The following RIT2 variants were observed in gnomAD, a reference collection of about 807,000 sequenced individuals.
RIT2 encodes the protein GTP-binding protein Rit2.
A neutral mutation model predicts 23.7 loss-of-function variants in RIT2; 24 were observed. That is an observed-to-expected ratio of 1.01 (90% CI 0.73 to 1.43). RIT2 has a LOEUF of 1.43. Ranked by LOEUF, RIT2 falls within the 40% of genes most tolerant of loss-of-function variation. The pLI is 0.00. For synonymous variants in RIT2, 107 were observed against 91.1 expected (o/e 1.17, Z -0.99); for missense variants, 236 against 266.9 (o/e 0.88, Z 0.81).
chr18:42,882,030 C>T (rs960027407), intron 4 of RIT2, among the ~76,000 whole-genome samples: 1 of 152,132 alleles, frequency 6.6e-6, no homozygotes, highest in East Asian at 1.9e-4. Context: ...GCATTTCATG[C>T]TTTTTTCAAA....
rs1207437183 is a variant in RIT2 at position 43,115,610 on chromosome 18, A to G, written c.-91T>C. The stretch of plus-strand genomic sequence containing the variant: ...ATTAAGCAACTCTAAAACTGTGTCA[A>G]AGCAAAGGTTTTAGTACGAGGTAAG... On this transcript the variant is annotated 5_prime_UTR_variant, in exon 1 of 5. Transcript: ENST00000326695. 2.0e-6 allele frequency: 3 copies of G among 1,499,858 alleles called. No individual in the cohort carries two copies. The Admixed American group carries it at 7.3e-5, about 37-fold the overall frequency. The allele number at this position is 1,499,858 out of a possible 1,614,324, so 92.9% of individuals were successfully genotyped here. A position where few individuals can be genotyped will look rare whatever the true frequency, so the allele number is the denominator to read the frequency against.
chr18:43,059,451 T>C (rs1382269154), intron 1 of RIT2, among the ~76,000 whole-genome samples: 1 of 152,152 alleles, frequency 6.6e-6, no homozygotes, highest in East Asian at 1.9e-4. Flanking sequence ...CAGGAGTTAA[T>C]AGCAGTTATC....
chr18:42,819,871 C>G lies in RIT2; in HGVS notation c.427-76151G>C, dbSNP rs183987548. Among the ~76,000 whole-genome samples, 33 of 152,222 alleles carry G rather than the reference C, an allele frequency of 2.2e-4. No individual in the cohort carries two copies. In the South Asian group the frequency reaches 3.9e-3, roughly 18 times the overall value. On this transcript the variant is annotated intron_variant, in intron 4 of 4. Transcript: ENST00000326695. The stretch of plus-strand genomic sequence containing the variant: ...AGTAGTTACCATACCTGGTTACACA[C>G]AAAGGATTCGTTTCAGGATCCCCTG...
chr18:43,055,764 G>A (rs1021203569), intron 1 of RIT2, among the ~76,000 whole-genome samples: 2 of 151,936 alleles, frequency 1.3e-5, no homozygotes, highest in South Asian at 2.1e-4. Context: ...TGAGGTTTTC[G>A]GACATGTTGT....
chr18:42,744,829 C>G (rs1393755888), intron 4 of RIT2, among the ~76,000 whole-genome samples: 1 of 152,134 alleles, frequency 6.6e-6, no homozygotes, highest in East Asian at 1.9e-4. Flanking sequence ...GTAAATAAGT[C>G]TCCCTCTAGC....
Position 42,870,391 on chromosome 18 carries a change from C to A in RIT2, c.426+53181G>T, listed in dbSNP as rs924782375. 3.3e-5 allele frequency among the ~76,000 whole-genome samples: 5 copies of A among 152,090 alleles called. No individual in the cohort carries two copies. In the East Asian group the frequency reaches 5.8e-4, roughly 18 times the overall value. On this transcript the variant is annotated intron_variant, in intron 4 of 4. Coordinates refer to ENST00000326695, the MANE Select transcript of RIT2 (RefSeq NM_002930.4). The stretch of plus-strand genomic sequence containing the variant: ...ACGTAGCTGGGACTACAGGTGCATG[C>A]AACCACGCCTGGCTAATTTTTGTAT...
At chr18:42,995,976 C>A (rs1910974004) in intron 2 of RIT2, among the ~76,000 whole-genome samples, 1 of 152,272 alleles carries the variant, frequency 6.6e-6, no homozygotes, top group East Asian at 1.9e-4. Flanking sequence ...CCCCAAACTG[C>A]CACTCTTAAC....
At chr18:42,997,687 A>G (rs1911017252) in intron 2 of RIT2, among the ~76,000 whole-genome samples, 1 of 127,986 alleles carries the variant, frequency 7.8e-6, no homozygotes, top group African/African-American at 3.2e-5. Context: ...ATCAAAACTG[A>G]AAAAAAATCA....
intron 4 of RIT2, among the ~76,000 whole-genome samples, chr18:42,745,225 G>A (rs1216686021): frequency 2.0e-5 from 3 of 152,050 alleles, no homozygotes; most frequent in African/African-American, 7.2e-5. Flanking sequence ...GAGTTACCAG[G>A]ACTCTGAATA....
intron 4 of RIT2, among the ~76,000 whole-genome samples, chr18:42,804,160 T>TA (rs1192902240): frequency 1.3e-5 from 2 of 152,236 alleles, no homozygotes; most frequent in Non-Finnish European, 1.5e-5. Flanking sequence ...GGGAAGTTTT[T>TA]ACAAAGCATC....
intron 3 of RIT2, among the ~76,000 whole-genome samples, chr18:42,971,257 C>A (rs959943656): frequency 2.1e-4 from 32 of 151,958 alleles, no homozygotes; most frequent in African/African-American, 7.7e-4. Flanking sequence ...ACTGTATAGA[C>A]CACCTCCTGA....
At chr18:43,086,295 T>C (rs12963767) in intron 1 of RIT2, among the ~76,000 whole-genome samples, 82,431 of 151,966 alleles carry the variant, frequency 0.54, 23,594 homozygotes, top group Non-Finnish European at 0.65. Context: ...TTACAACTGA[T>C]ACAACAGAAA....
At chr18:43,011,285 G>A (rs1911344802) in intron 2 of RIT2, among the ~76,000 whole-genome samples, 1 of 151,742 alleles carries the variant, frequency 6.6e-6, no homozygotes, top group Non-Finnish European at 1.5e-5. Flanking sequence ...AATACAGAAA[G>A]AGATCAGAGG....
chr18:42,875,558 T>G (rs1218354787), intron 4 of RIT2, among the ~76,000 whole-genome samples: 2 of 152,092 alleles, frequency 1.3e-5, no homozygotes, highest in Non-Finnish European at 2.9e-5. Context: ...ATGCCAGGTC[T>G]GCCCTCCTTA....
intron 2 of RIT2, among the ~76,000 whole-genome samples, chr18:43,016,699 A>G (rs991224564): frequency 6.6e-6 from 1 of 151,906 alleles, no homozygotes; most frequent in Non-Finnish European, 1.5e-5. Context: ...TTAATCAGAG[A>G]AAGTCAAATT....
At chr18:42,992,099 C>T (rs1301634323) in intron 2 of RIT2, among the ~76,000 whole-genome samples, 1 of 151,774 alleles carries the variant, frequency 6.6e-6, no homozygotes, top group Admixed American at 6.6e-5. Flanking sequence ...CGTGTCTCTA[C>T]CCTTCTTTTA....
intron 1 of RIT2, among the ~76,000 whole-genome samples, chr18:43,108,007 CA>C (rs5824469): frequency 0.51 from 69,045 of 136,130 alleles, 17,209 homozygotes; most frequent in Middle Eastern, 0.58. Context: ...ACTAAAAATA[CA>C]AAAAAAAAAA....
intron 1 of RIT2, among the ~76,000 whole-genome samples, chr18:43,057,398 C>T (rs1243095881): frequency 6.6e-6 from 1 of 152,102 alleles, no homozygotes; most frequent in Admixed American, 6.6e-5. Flanking sequence ...ACCTGTCAAC[C>T]TCATCTCCAG....
intron 4 of RIT2, among the ~76,000 whole-genome samples, chr18:42,888,323 T>C (rs1908077797): frequency 6.6e-6 from 1 of 152,016 alleles, no homozygotes; most frequent in South Asian, 2.1e-4. Flanking sequence ...AAAGGGTTTT[T>C]TTTTGTTTGT....
Sources: gnomAD v4.1 joint callset for allele counts (sites outside exome capture counted in the v4.1 genomes callset) on GRCh38, gnomAD v4.1.1 for gene constraint, MANE v1.5 for transcripts, NCBI Gene and HGNC (gene_info 2026-07-23, HGNC 2026-07-21) for gene names.